The following DCDC1 variants were observed in gnomAD, a reference collection of about 807,000 sequenced individuals.
DCDC1 encodes the protein doublecortin domain-containing protein 1.
A neutral mutation model predicts 178.3 loss-of-function variants in DCDC1; 200 were observed. The ratio of observed to expected loss-of-function variants is 1.12; its 90% confidence interval spans 1.00 to 1.26. DCDC1 has a LOEUF of 1.26. DCDC1 is among the 50% of genes most tolerant of loss of function. The pLI, the probability that DCDC1 is intolerant of heterozygous loss-of-function variation, is 0.00. For missense variants in DCDC1, 1,983 were observed against 1,749.2 expected (o/e 1.13, Z -2.38); for synonymous variants, 690 against 604.8 (o/e 1.14, Z -2.07).
intron 20 of DCDC1, among the ~76,000 whole-genome samples, chr11:30,972,575 A>C (rs1056858711): frequency 6.6e-6 from 1 of 152,150 alleles, no homozygotes; most frequent in African/African-American, 2.4e-5. Context: ...GAAAAGACTA[A>C]AATGTTACCA....
chr11:30,910,995 C>A (rs1945408619), intron 28 of DCDC1, among the ~76,000 whole-genome samples: 1 of 152,090 alleles, frequency 6.6e-6, no homozygotes, highest in Non-Finnish European at 1.5e-5. Flanking sequence ...CATCTAATAG[C>A]CATCCACCTG....
chr11:31,010,990 T>C (rs939578685), intron 20 of DCDC1, among the ~76,000 whole-genome samples: 2 of 152,094 alleles, frequency 1.3e-5, no homozygotes, highest in Non-Finnish European at 2.9e-5. Flanking sequence ...AACAAATAAG[T>C]AGATCAATGG....
At chr11:31,018,949 A>C (rs561959536) in intron 20 of DCDC1, among the ~76,000 whole-genome samples, 1 of 152,250 alleles carries the variant, frequency 6.6e-6, no homozygotes, top group African/African-American at 2.4e-5. Context: ...TGGGGGACTC[A>C]ATTGTTCAGT....
At chr11:31,013,636 G>A (rs946998134) in intron 20 of DCDC1, among the ~76,000 whole-genome samples, 3 of 152,050 alleles carry the variant, frequency 2.0e-5, no homozygotes, top group Admixed American at 6.6e-5. Flanking sequence ...TGAAAACAGT[G>A]GCAGGTCAAT....
intron 32 of DCDC1, among the ~76,000 whole-genome samples, chr11:30,900,893 C>T (rs1313575523): frequency 2.0e-5 from 3 of 152,038 alleles, no homozygotes; most frequent in African/African-American, 7.2e-5. Context: ...AATAATATCT[C>T]ATTCTGCTGT....
Position 30,903,451 on chromosome 11 carries a change from AATCAGCTAAATGC to A in DCDC1, c.4510+18_4510+30del, listed in dbSNP as rs1944845243. ...CGTTTTCATGATCAAGCATAAGTAG[AATCAGCTAAATGC>A]TGTAGATTGTAGCCAACCTTCCATA... On this transcript the variant is annotated intron_variant, in intron 32 of 38. Transcript: ENST00000684477. The A allele has an allele frequency of 6.6e-7, 1 of 1,521,224 alleles. No individual in the cohort carries two copies. Among genetic ancestry groups the A allele is most frequent in the Non-Finnish European group, 8.9e-7 (1 of 1,129,488 alleles). The allele number at this position is 1,521,224 out of a possible 1,614,324, so 94.2% of individuals were successfully genotyped here. A position where few individuals can be genotyped will look rare whatever the true frequency, so the allele number is the denominator to read the frequency against.
intron 20 of DCDC1, among the ~76,000 whole-genome samples, chr11:31,024,245 C>T (rs1953078013): frequency 6.6e-6 from 1 of 151,850 alleles, no homozygotes; most frequent in African/African-American, 2.4e-5. Context: ...GTAGAAAAAG[C>T]AGCAGTAGTA....
intron 20 of DCDC1, among the ~76,000 whole-genome samples, chr11:30,953,786 A>T (rs1436046695): frequency 1.3e-5 from 2 of 152,106 alleles, no homozygotes; most frequent in African/African-American, 4.8e-5. Flanking sequence ...TTGTGCATGA[A>T]AGTTCACAGC....
At chr11:30,869,645 T>C (rs1941348453) in intron 38 of DCDC1, among the ~76,000 whole-genome samples, 2 of 152,212 alleles carry the variant, frequency 1.3e-5, no homozygotes, top group Non-Finnish European at 2.9e-5. Flanking sequence ...CACAGTCATA[T>C]AAAATGACAT....
chr11:30,882,442 T>A (rs992671599), intron 36 of DCDC1: 3 of 112,064 alleles, frequency 2.7e-5, no homozygotes, highest in African/African-American at 8.4e-5. Flanking sequence ...TTATCTATTT[T>A]TATATATTTT....
chr11:31,081,347 C>T lies in DCDC1; in HGVS notation c.2238-3422G>A, dbSNP rs530446399. On this transcript the variant is annotated intron_variant, in intron 17 of 38. Transcript: ENST00000684477. Reference sequence around the variant, plus strand: ...AAATAAGGCCGGGCATGGTGGCTCACGCCTGTAATCCCAGCACTTTGGGAG... The same window carrying T: ...AAATAAGGCCGGGCATGGTGGCTCATGCCTGTAATCCCAGCACTTTGGGAG... Among the ~76,000 whole-genome samples the T allele has an allele frequency of 2.8e-4, 43 of 152,270 alleles. 1 individual carries two copies. The South Asian group carries it at 8.3e-3, about 29-fold the overall frequency.
At chr11:31,007,678 T>C (rs1951929864) in intron 20 of DCDC1, among the ~76,000 whole-genome samples, 1 of 152,258 alleles carries the variant, frequency 6.6e-6, no homozygotes, top group African/African-American at 2.4e-5. Flanking sequence ...TTTTCTTTTT[T>C]TTTGAGACGG....
At chr11:31,018,498 T>C (rs1952645436) in intron 20 of DCDC1, among the ~76,000 whole-genome samples, 1 of 152,204 alleles carries the variant, frequency 6.6e-6, no homozygotes, top group African/African-American at 2.4e-5. Flanking sequence ...CTTTTATGTT[T>C]GCTACAACCC....
intron 20 of DCDC1, among the ~76,000 whole-genome samples, chr11:31,056,920 T>C (rs1955618482): frequency 6.6e-6 from 1 of 152,100 alleles, no homozygotes; most frequent in Non-Finnish European, 1.5e-5. Context: ...ATATGGTAGA[T>C]GGGCCATAAA....
chr11:31,068,683 T>A (rs1048283897), intron 18 of DCDC1, among the ~76,000 whole-genome samples: 4 of 152,108 alleles, frequency 2.6e-5, no homozygotes, highest in African/African-American at 9.7e-5. Flanking sequence ...TTATTGAAAA[T>A]TTTTTTCAAA....
At chr11:30,916,732 A>G (rs1945865008) in intron 26 of DCDC1, 138 bp downstream of exon 26, 1 of 1,089,120 alleles carries the variant, frequency 9.2e-7, no homozygotes, top group Admixed American at 3.7e-5. Context: ...TTTTAATCAA[A>G]AACATAAGAC....
chr11:30,916,794 G>A (rs1945871141), intron 26 of DCDC1, 76 bp downstream of exon 26: 2 of 1,408,104 alleles, frequency 1.4e-6, no homozygotes, highest in Middle Eastern at 1.9e-4. Flanking sequence ...AAAACTCTTG[G>A]GAATATATGT....
intron 9 of DCDC1, among the ~76,000 whole-genome samples, chr11:31,142,134 A>G (rs1963897351): frequency 6.6e-6 from 1 of 152,226 alleles, no homozygotes; most frequent in African/African-American, 2.4e-5. Flanking sequence ...GGGGGAAGCC[A>G]CTATTTGGTA....
At chr11:31,358,846 C>T (rs1311722803) in intron 1 of DCDC1, among the ~76,000 whole-genome samples, 1 of 152,228 alleles carries the variant, frequency 6.6e-6, no homozygotes, top group Admixed American at 6.5e-5. Context: ...CTCACCATCA[C>T]TGGCCATCAG....
Sources: allele counts gnomAD v4.1 joint callset (sites outside exome capture counted in the v4.1 genomes callset), GRCh38; gene constraint gnomAD v4.1.1; transcripts MANE v1.5; gene names NCBI Gene and HGNC (gene_info 2026-07-23, HGNC 2026-07-21).